GABRB3: variants seen among roughly 807,000 people sequenced by gnomAD.
The protein encoded by GABRB3 is gamma-aminobutyric acid receptor subunit beta-3.
Under a neutral mutation model 52.1 loss-of-function variants are expected in GABRB3, and 14 were observed. The observed-to-expected ratio is 0.27, with a 90% CI of 0.18 to 0.42. The LOEUF is 0.42. Ranked by LOEUF, GABRB3 falls within the 10% of genes least tolerant of loss-of-function variation. The pLI is 1.00. For missense variants in GABRB3, 307 were observed against 609.1 expected (o/e 0.50, Z 5.22); for synonymous variants, 260 against 232.3 (o/e 1.12, Z -1.08).
At chr15:26,557,654 A>G (rs962162794) in intron 8 of GABRB3, 4 of 152,192 alleles carry the variant, frequency 2.6e-5, no homozygotes, top group Admixed American at 6.5e-5. Flanking sequence ...ATGCATTTAG[A>G]ATTAGCATAC....
chr15:26,567,514 G>C, intron 7 of GABRB3, 67 bp downstream of exon 7: 2 of 1,503,856 alleles, frequency 1.3e-6, no homozygotes, highest in Non-Finnish European at 1.8e-6. Flanking sequence ...TACAGCCTTT[G>C]AACTCTCTTA....
intron 3 of GABRB3, among the ~76,000 whole-genome samples, chr15:26,636,687 G>T (rs953413678): frequency 1.3e-5 from 2 of 152,074 alleles, no homozygotes; most frequent in Non-Finnish European, 2.9e-5. Context: ...CATTCAAATG[G>T]AATTACTGAT....
chr15:26,734,716 T>C (rs919803660), intron 3 of GABRB3, among the ~76,000 whole-genome samples: 4 of 149,402 alleles, frequency 2.7e-5, no homozygotes, highest in African/African-American at 9.9e-5. Context: ...GGGAGGAGGA[T>C]TGCTTAAATC....
At chr15:26,666,064 C>T (rs1887701451) in intron 3 of GABRB3, among the ~76,000 whole-genome samples, 1 of 152,126 alleles carries the variant, frequency 6.6e-6, no homozygotes, top group Non-Finnish European at 1.5e-5. Context: ...ACACACAGAC[C>T]AGCTTTTTAG....
At chr15:26,578,841 T>C (rs1395599860) in intron 6 of GABRB3, among the ~76,000 whole-genome samples, 1 of 152,238 alleles carries the variant, frequency 6.6e-6, no homozygotes, top group Non-Finnish European at 1.5e-5. Context: ...TATCATTTTT[T>C]TCAATGCCTC....
chr15:26,727,768 C>T (rs771550905), intron 3 of GABRB3, among the ~76,000 whole-genome samples: 47 of 152,330 alleles, frequency 3.1e-4, no homozygotes, highest in Non-Finnish European at 5.0e-4. Context: ...ATCATGACCT[C>T]ATGTGTTCAT....
chr15:26,585,134 G>A (rs1425287233), intron 4 of GABRB3, among the ~76,000 whole-genome samples: 2 of 152,182 alleles, frequency 1.3e-5, no homozygotes, highest in East Asian at 1.9e-4. Flanking sequence ...CTTGCTGAAT[G>A]TGTGCTCCAC....
chr15:26,735,784 A>T (rs1890048590), intron 3 of GABRB3, among the ~76,000 whole-genome samples: 1 of 146,662 alleles, frequency 6.8e-6, no homozygotes. Context: ...CCCCATTTCC[A>T]CAAAAAAGTA....
chr15:26,608,881 C>T (rs1891943375), intron 4 of GABRB3, among the ~76,000 whole-genome samples: 1 of 151,984 alleles, frequency 6.6e-6, no homozygotes, highest in African/African-American at 2.4e-5. Flanking sequence ...TTATGGAAAA[C>T]ATTATGGAAA....
At chr15:26,638,423 G>T (rs1049254630) in intron 3 of GABRB3, among the ~76,000 whole-genome samples, 3 of 152,190 alleles carry the variant, frequency 2.0e-5, no homozygotes, top group African/African-American at 7.2e-5. Context: ...GATTACCTCA[G>T]TTGAGCCGTG....
chr15:26,686,078 G>A (rs981896207), intron 3 of GABRB3, among the ~76,000 whole-genome samples: 4 of 151,980 alleles, frequency 2.6e-5, no homozygotes, highest in Admixed American at 6.6e-5. Context: ...GAGTAGCTGG[G>A]ACTATAAGTG....
At chr15:26,603,017 AGACT>A (rs1472020273) in intron 4 of GABRB3, among the ~76,000 whole-genome samples, 2 of 152,168 alleles carry the variant, frequency 1.3e-5, no homozygotes, top group South Asian at 2.1e-4. Context: ...ACCTTTAGCC[AGACT>A]AACTACAAAA....
chr15:26,663,655 A>C (rs1388442433), intron 3 of GABRB3, among the ~76,000 whole-genome samples: 2 of 152,170 alleles, frequency 1.3e-5, no homozygotes, highest in Non-Finnish European at 2.9e-5. Flanking sequence ...GTTTTTATTC[A>C]TTCTGAAAAT....
At chr15:26,773,675 G>A (rs1019142359), upstream of GABRB3, 9 of 1,574,500 alleles carry the variant, frequency 5.7e-6, no homozygotes, top group Non-Finnish European at 7.8e-6. Flanking sequence ...GGTCCCCAGG[G>A]TCCAGGAGAG....
intron 3 of GABRB3, among the ~76,000 whole-genome samples, chr15:26,751,767 T>C (rs1212481115): frequency 6.6e-6 from 1 of 152,128 alleles, no homozygotes; most frequent in Non-Finnish European, 1.5e-5. Context: ...CTAGATTTCA[T>C]ACTGTCAAAT....
intron 3 of GABRB3, among the ~76,000 whole-genome samples, chr15:26,629,987 G>A (rs1283047625): frequency 6.6e-6 from 1 of 152,006 alleles, no homozygotes; most frequent in Non-Finnish European, 1.5e-5. Context: ...TACTTAGAAG[G>A]CTGTAGGTAA....
Position 26,621,292 on chromosome 15 carries a change from G to A in GABRB3, c.461+22C>T, listed in dbSNP as rs370989022. ...CCATGCACCATGCAACAGCAAAATTGGTCCTGAAGAGGCACACAGACCTGA... is the reference window on the plus strand; with the variant it reads ...CCATGCACCATGCAACAGCAAAATTAGTCCTGAAGAGGCACACAGACCTGA... On this transcript the variant is annotated intron_variant, in intron 4 of 8. Coordinates refer to ENST00000311550, the MANE Select transcript of GABRB3 (RefSeq NM_000814.6). The surrounding 1 kb of genome is among the most constrained non-coding windows in gnomAD (Gnocchi z 4.1). The A allele has an allele frequency of 1.4e-5, 22 of 1,593,636 alleles. No individual in the cohort carries two copies. Among genetic ancestry groups the A allele is most frequent in the Middle Eastern group, 4.1e-4 (2 of 4,850 alleles).
intron 3 of GABRB3, among the ~76,000 whole-genome samples, chr15:26,730,656 CT>C (rs1299851509): frequency 6.6e-6 from 1 of 152,086 alleles, no homozygotes; most frequent in African/African-American, 2.4e-5. Flanking sequence ...CCATTTTGGA[CT>C]TTTTTCTAGG....
intron 3 of GABRB3, among the ~76,000 whole-genome samples, chr15:26,624,052 T>C (rs1182552904): frequency 1.3e-5 from 2 of 151,912 alleles, no homozygotes; most frequent in African/African-American, 4.8e-5. Flanking sequence ...GTTCAAGGGG[T>C]AGAAGGGATG....
Sources: allele counts gnomAD v4.1 joint callset (sites outside exome capture counted in the v4.1 genomes callset), GRCh38; gene constraint gnomAD v4.1.1; non-coding constraint Gnocchi (gnomAD v3.1); transcripts MANE v1.5; gene names NCBI Gene and HGNC (gene_info 2026-07-23, HGNC 2026-07-21).